The following GSE1 variants were observed in gnomAD, a reference collection of about 807,000 sequenced individuals.
GSE1 encodes genetic suppressor element 1.
GSE1 carries 32 observed loss-of-function variants against 112.6 expected under a neutral mutation model. The ratio of observed to expected loss-of-function variants is 0.28; its 90% confidence interval spans 0.21 to 0.38. The LOEUF (loss-of-function observed/expected upper bound fraction) is 0.38, where lower values mean the gene tolerates loss of function less well. GSE1 is among the 10% of genes least tolerant of loss of function. The pLI is 1.00. For missense variants in GSE1, 2,348 were observed against 1,699.2 expected, an observed-to-expected ratio of 1.38 and a Z score of -6.71; for synonymous variants, 1,115 against 735.6, an observed-to-expected ratio of 1.52 and a Z score of -8.35.
chr16:85,620,373 A>G (rs960199275), intron 1 of GSE1, among the ~76,000 whole-genome samples: 3 of 152,170 alleles, frequency 2.0e-5, no homozygotes, highest in Admixed American at 6.5e-5. Context: ...CCCAGTGTAC[A>G]TTTATCTTTG....
At position 85,403,092 on chromosome 16, in the gene GSE1, G is replaced by GT. The variant is rs930154846; in HGVS notation, c.2464+45449_2464+45450insT. 7.6e-4 allele frequency among the ~76,000 whole-genome samples: 6 copies of GT among 7,936 alleles called. No individual in the cohort carries two copies. The Non-Finnish European group carries it at 0.083, about 110-fold the overall frequency. The allele number at this position is 7,936 out of a possible 152,430, so 5.2% of individuals were successfully genotyped here. A position where few individuals can be genotyped will look rare whatever the true frequency, so the allele number is the denominator to read the frequency against. On this transcript the variant is annotated intron_variant, in intron 2 of 2. Coordinates refer to the GSE1 transcript ENST00000637419. ...TCCCAAGCCCTCTCCCATGGTTGCT[G>GT]GGGGGGGACTCAGTTCCTCTGGGCC...
intron 2 of GSE1, among the ~76,000 whole-genome samples, chr16:85,473,140 G>A (rs1248095190): frequency 6.6e-6 from 1 of 152,282 alleles, no homozygotes; most frequent in Non-Finnish European, 1.5e-5. Flanking sequence ...CGCAGAAACT[G>A]TCCTTTGTTC....
At chr16:85,613,631 G>A (rs2048151169) in intron 1 of GSE1, among the ~76,000 whole-genome samples, 1 of 151,386 alleles carries the variant, frequency 6.6e-6, no homozygotes, top group South Asian at 2.1e-4. Flanking sequence ...GGACTCGGGG[G>A]CTCCGGGCTC....
At chr16:85,338,956 C>T (rs1050189407) in intron 1 of GSE1, among the ~76,000 whole-genome samples, 2 of 152,216 alleles carry the variant, frequency 1.3e-5, no homozygotes, top group Non-Finnish European at 2.9e-5. Context: ...AAGCATGGGG[C>T]ATCTCATCCT....
At chr16:85,582,446 T>C (rs930089684) in intron 1 of GSE1, among the ~76,000 whole-genome samples, 3 of 152,172 alleles carry the variant, frequency 2.0e-5, no homozygotes, top group Non-Finnish European at 4.4e-5. Flanking sequence ...TGGGGCCTTT[T>C]TGGGGACTGG....
At chr16:85,635,583 C>A (rs2049928332) in intron 2 of GSE1, among the ~76,000 whole-genome samples, 1 of 152,164 alleles carries the variant, frequency 6.6e-6, no homozygotes, top group Non-Finnish European at 1.5e-5. Flanking sequence ...CTCGGGCTCT[C>A]CTGAGAGGGG....
intron 2 of GSE1, among the ~76,000 whole-genome samples, chr16:85,488,052 G>A (rs1046793249): frequency 1.3e-5 from 2 of 151,842 alleles, no homozygotes; most frequent in Admixed American, 6.5e-5. Flanking sequence ...GGAATCTGGG[G>A]GAACGTCTTG....
intron 2 of GSE1, among the ~76,000 whole-genome samples, chr16:85,448,646 C>T (rs1012451572): frequency 1.3e-5 from 2 of 152,220 alleles, no homozygotes; most frequent in African/African-American, 4.8e-5. Flanking sequence ...GCGCCTCTTC[C>T]TCCCTCCATC....
At chr16:85,364,697 G>A (rs1466544) in intron 2 of GSE1, among the ~76,000 whole-genome samples, 121,814 of 152,066 alleles carry the variant, frequency 0.8, 49,065 homozygotes, top group East Asian at 1. Context: ...ATACTCTCCC[G>A]CTGTGGCCTT....
intron 13 of GSE1, chr16:85,666,596 A>T: frequency 1.8e-6 from 1 of 544,884 alleles, no homozygotes; most frequent in Non-Finnish European, 3.3e-6. Context: ...GTGAGCAGGG[A>T]CGCATCGATC....
chr16:85,591,023 G>A (rs1355454859), intron 1 of GSE1, among the ~76,000 whole-genome samples: 1 of 152,198 alleles, frequency 6.6e-6, no homozygotes, highest in Non-Finnish European at 1.5e-5. Context: ...GGGCATTTGA[G>A]GTGCCTGTGT....
chr16:85,275,341 A>C (rs948233879), intron 1 of GSE1, among the ~76,000 whole-genome samples: 1 of 152,196 alleles, frequency 6.6e-6, no homozygotes, highest in Admixed American at 6.5e-5. Flanking sequence ...GGCAGGGGAC[A>C]GAAGCCCGGG....
chr16:85,275,553 G>A (rs1477713758), intron 1 of GSE1, among the ~76,000 whole-genome samples: 3 of 152,182 alleles, frequency 2.0e-5, no homozygotes, highest in East Asian at 3.9e-4. Context: ...AGAAGATTCC[G>A]GAGCTAGCAC....
At chr16:85,552,140 C>G (rs2044946975), upstream of GSE1, among the ~76,000 whole-genome samples, 1 of 151,980 alleles carries the variant, frequency 6.6e-6, no homozygotes, top group East Asian at 1.9e-4. Flanking sequence ...ATTCTCTTGC[C>G]TCAGCCTCCC....
At chr16:85,345,040 C>A (rs1156630823) in intron 1 of GSE1, among the ~76,000 whole-genome samples, 1 of 152,242 alleles carries the variant, frequency 6.6e-6, no homozygotes, top group African/African-American at 2.4e-5. Flanking sequence ...CAAGAAACTT[C>A]CTTGTGTTTA....
chr16:85,613,108 G>C (rs1327837810), upstream of GSE1: 4 of 951,214 alleles, frequency 4.2e-6, no homozygotes, highest in Admixed American at 8.7e-5. Context: ...GTGCGCGCGC[G>C]CGCGCCTGTG....
At chr16:85,602,665 A>G (rs2047518524) in intron 1 of GSE1, among the ~76,000 whole-genome samples, 1 of 152,112 alleles carries the variant, frequency 6.6e-6, no homozygotes, top group Non-Finnish European at 1.5e-5. Context: ...GAGCCAGTGG[A>G]TGGACCACGA....
chr16:85,644,577 G>A (rs750080888), intron 2 of GSE1, among the ~76,000 whole-genome samples: 3 of 152,212 alleles, frequency 2.0e-5, no homozygotes, highest in Non-Finnish European at 2.9e-5. Flanking sequence ...GGGCCACGCG[G>A]TGGGATTCCC....
At chr16:85,599,737 C>G (rs559899261) in intron 1 of GSE1, among the ~76,000 whole-genome samples, 1 of 152,346 alleles carries the variant, frequency 6.6e-6, no homozygotes, top group African/African-American at 2.4e-5. Context: ...TTCTCTCCCT[C>G]TTAAGATCCC....
Sources: gnomAD v4.1 joint callset for allele counts (sites outside exome capture counted in the v4.1 genomes callset) on GRCh38, gnomAD v4.1.1 for gene constraint, MANE v1.5 for transcripts, NCBI Gene and HGNC (gene_info 2026-07-23, HGNC 2026-07-21) for gene names.